NEIL3: variants seen among roughly 807,000 people sequenced by gnomAD.
The protein encoded by NEIL3 is endonuclease 8-like 3.
NEIL3 carries 48 observed loss-of-function variants against 57.5 expected under a neutral mutation model. That is an observed-to-expected ratio of 0.83 (90% CI 0.66 to 1.06). The LOEUF is 1.06. Among genes scored for constraint, NEIL3 ranks in the 50% least tolerant of loss-of-function variants. NEIL3 has a pLI of 0.00. For missense variants in NEIL3, 717 were observed against 739.1 expected (o/e 0.97, Z 0.35); for synonymous variants, 261 against 253.2 (o/e 1.03, Z -0.29).
intron 1 of NEIL3, among the ~76,000 whole-genome samples, chr4:177,319,455 C>A (rs1325278829): frequency 6.6e-6 from 1 of 151,966 alleles, no homozygotes; most frequent in African/African-American, 2.4e-5. Flanking sequence ...TTTTTAATTT[C>A]TTATTTTTAA....
chr4:177,340,271 G>C (rs1735066336), intron 5 of NEIL3, among the ~76,000 whole-genome samples: 1 of 152,152 alleles, frequency 6.6e-6, no homozygotes. Context: ...GTGTGGTTTA[G>C]ATTCTTTGGA....
chr4:177,366,727 C>T (rs1042030424), downstream of NEIL3, among the ~76,000 whole-genome samples: 1 of 152,148 alleles, frequency 6.6e-6, no homozygotes, highest in South Asian at 2.1e-4. Context: ...CCATACTCTT[C>T]CTATTCTTCT....
intron 4 of NEIL3, 61 bp from the exon 5 acceptor site, chr4:177,339,722 T>C: frequency 9.0e-7 from 1 of 1,109,950 alleles, no homozygotes; most frequent in Non-Finnish European, 1.4e-6. Flanking sequence ...GCAAGGCGTA[T>C]TATTTCTTAC....
chr4:177,366,150 A>AT (rs1579013596), downstream of NEIL3, among the ~76,000 whole-genome samples: 1 of 152,172 alleles, frequency 6.6e-6, no homozygotes, highest in African/African-American at 2.4e-5. Flanking sequence ...GGAATATAAA[A>AT]TTTTTTTCCT....
chr4:177,366,589 G>A (rs1464060432), downstream of NEIL3, among the ~76,000 whole-genome samples: 1 of 152,150 alleles, frequency 6.6e-6, no homozygotes, highest in East Asian at 1.9e-4. Context: ...AGTAGAGACA[G>A]GCTGTCGTCA....
chr4:177,315,035 C>T (rs574184268), intron 1 of NEIL3, among the ~76,000 whole-genome samples: 76 of 144,536 alleles, frequency 5.3e-4, no homozygotes, highest in Admixed American at 3.4e-3. Flanking sequence ...CGCCACTGCA[C>T]TCGAGCCTGG....
At chr4:177,330,094 T>C (rs149952848) in intron 2 of NEIL3, among the ~76,000 whole-genome samples, 1 of 152,124 alleles carries the variant, frequency 6.6e-6, no homozygotes, top group Non-Finnish European at 1.5e-5. Context: ...ATATTTTTAG[T>C]GGAGACGGCG....
In NEIL3 at chr4:177,353,564, C is replaced by T. The variant is rs759120429; in HGVS notation, c.1296C>T (p.Pro432=). ...ASVCLNDIQH[P]SKKTTNDITQ... ...TTTGTTTGAATGATATACAGCACCC[C>T]TCCAAGAAGACAACAAACGATATAA... is the stretch of plus-strand genomic sequence containing the variant. Residue 432 remains proline, a synonymous_variant, in exon 8 of 10, where the codon CCC becomes CCT. Coordinates refer to ENST00000264596, the MANE Select transcript of NEIL3 (RefSeq NM_018248.3). The T allele has an allele frequency of 2.5e-6, 4 of 1,613,204 alleles. No individual in the cohort carries two copies. In the Admixed American group the frequency reaches 6.7e-5, roughly 27 times the overall value.
chr4:177,331,390 A>T (rs1734882185), intron 2 of NEIL3, among the ~76,000 whole-genome samples: 1 of 151,710 alleles, frequency 6.6e-6, no homozygotes, highest in African/African-American at 2.4e-5. Flanking sequence ...CTGAAATATC[A>T]CACCTGTTCA....
At chr4:177,331,689 G>A (rs555457717) in intron 2 of NEIL3, among the ~76,000 whole-genome samples, 1 of 152,192 alleles carries the variant, frequency 6.6e-6, no homozygotes, top group South Asian at 2.1e-4. Context: ...AAGACAAAAA[G>A]CTAAATCCCA....
intron 6 of NEIL3, among the ~76,000 whole-genome samples, chr4:177,346,905 G>A (rs985826133): frequency 2.7e-4 from 41 of 151,942 alleles, no homozygotes; most frequent in African/African-American, 9.7e-4. Flanking sequence ...GGGAGACTGA[G>A]GCAGGATAAT....
intron 2 of NEIL3, among the ~76,000 whole-genome samples, chr4:177,330,749 C>G (rs1193122681): frequency 6.6e-6 from 1 of 152,202 alleles, no homozygotes; most frequent in South Asian, 2.1e-4. Context: ...ATTTTATTAA[C>G]CTATACAAAA....
chr4:177,360,482 T>A, intron 8 of NEIL3, 21 bp from the exon 9 acceptor site: 1 of 1,606,358 alleles, frequency 6.2e-7, no homozygotes, highest in South Asian at 1.1e-5. Flanking sequence ...GCTGTACTTA[T>A]TTTGTAACCT....
At chr4:177,360,417 T>G (rs1383177947) in intron 8 of NEIL3, 86 bp from the exon 9 acceptor site, 1 of 917,814 alleles carries the variant, frequency 1.1e-6, no homozygotes, top group Non-Finnish European at 1.6e-6. Flanking sequence ...TTGGTACAAG[T>G]GAAATTCTGA....
At chr4:177,326,662 A>G (rs1397009143) in intron 2 of NEIL3, among the ~76,000 whole-genome samples, 2 of 152,050 alleles carry the variant, frequency 1.3e-5, no homozygotes, top group East Asian at 3.9e-4. Flanking sequence ...ACATGCTAAC[A>G]TTATTGTCTT....
At chr4:177,311,641 C>T (rs2063059) in intron 1 of NEIL3, among the ~76,000 whole-genome samples, 55,964 of 147,530 alleles carry the variant, frequency 0.38, 11,886 homozygotes, top group African/African-American at 0.59. Context: ...GTTATTGCAC[C>T]CCAGCCTGGG....
downstream of NEIL3, among the ~76,000 whole-genome samples, chr4:177,365,882 C>T (rs1211123377): frequency 6.6e-6 from 1 of 152,112 alleles, no homozygotes; most frequent in African/African-American, 2.4e-5. Flanking sequence ...GAGTCTTCAC[C>T]ATATAATACC....
Position 177,341,603 on chromosome 4 carries a change from C to T in NEIL3, c.830C>T (p.Pro277Leu). 1 of 1,613,036 alleles carries T rather than the reference C, an allele frequency of 6.2e-7. No homozygotes were observed. Among genetic ancestry groups the T allele is most frequent in the Non-Finnish European group, 8.5e-7 (1 of 1,179,620 alleles). The change falls in exon 6 of 10, where the codon CCT becomes CTT. Residue 277 changes from proline to leucine, a missense_variant. By Grantham distance (98) the Pro-to-Leu change is moderately conservative. Transcript: ENST00000264596. ...GDNNRMTYFCPHCQKENPQHV... is the reference protein window; with the variant it reads ...GDNNRMTYFCLHCQKENPQHV... ...AATAACAGAATGACATATTTCTGTC[C>T]TCACTGTCAAAAAGAAAATCCTCAA...
intron 6 of NEIL3, among the ~76,000 whole-genome samples, chr4:177,347,026 A>G (rs1211498749): frequency 1.3e-5 from 2 of 152,120 alleles, no homozygotes; most frequent in African/African-American, 4.8e-5. Flanking sequence ...AGAAAAAGAA[A>G]AAACCTATCT....
Sources: gnomAD v4.1 joint callset for allele counts (sites outside exome capture counted in the v4.1 genomes callset) on GRCh38, gnomAD v4.1.1 for gene constraint, MANE v1.5 for transcripts, NCBI Gene and HGNC (gene_info 2026-07-23, HGNC 2026-07-21) for gene names.